CACNA2D1: variants seen among roughly 807,000 people sequenced by gnomAD.
The protein encoded by CACNA2D1 is calcium voltage-gated channel auxiliary subunit alpha2delta 1, also known as voltage-dependent calcium channel subunit alpha-2/delta-1.
CACNA2D1 carries 53 observed loss-of-function variants against 171.5 expected under a neutral mutation model. The observed-to-expected ratio is 0.31, with a 90% CI of 0.25 to 0.39. The LOEUF (loss-of-function observed/expected upper bound fraction) is 0.39. CACNA2D1 is among the 10% of genes least tolerant of loss of function. The probability of loss-of-function intolerance (pLI) is 1.00; values close to 1 mark genes in which losing one functional copy is unlikely to be tolerated. For synonymous variants in CACNA2D1, 442 were observed against 443.1 expected (o/e 1.00, Z 0.03); for missense variants, 903 against 1,299.8 (o/e 0.69, Z 4.69).
At chr7:82,174,450 C>T (rs1235155940) in intron 3 of CACNA2D1, among the ~76,000 whole-genome samples, 4 of 151,970 alleles carry the variant, frequency 2.6e-5, no homozygotes, top group Non-Finnish European at 5.9e-5. Context: ...AGAATGTATA[C>T]ATCCCTACCT....
chr7:82,270,221 A>G (rs1808438993), intron 3 of CACNA2D1, among the ~76,000 whole-genome samples: 1 of 152,060 alleles, frequency 6.6e-6, no homozygotes, highest in Non-Finnish European at 1.5e-5. Context: ...AAACATCTTC[A>G]TGCTCTTGAG....
intron 4 of CACNA2D1, among the ~76,000 whole-genome samples, chr7:82,167,407 A>G (rs924371168): frequency 6.6e-6 from 1 of 152,072 alleles, no homozygotes; most frequent in African/African-American, 2.4e-5. Context: ...ACCTTGCTGT[A>G]TCTGTGCACT....
intron 6 of CACNA2D1, among the ~76,000 whole-genome samples, chr7:82,113,219 T>C (rs1234592476): frequency 1.3e-5 from 2 of 152,210 alleles, no homozygotes; most frequent in African/African-American, 4.8e-5. Flanking sequence ...GAACTATCAA[T>C]ACAAATTTCC....
At chr7:82,155,611 C>G (rs189970353) in intron 4 of CACNA2D1, among the ~76,000 whole-genome samples, 9 of 152,142 alleles carry the variant, frequency 5.9e-5, no homozygotes, top group Admixed American at 5.9e-4. Flanking sequence ...CTGGAGCTTC[C>G]CAGGTGGTAT....
chr7:81,951,890 T>C (rs367988364), intron 38 of CACNA2D1, among the ~76,000 whole-genome samples: 1 of 151,654 alleles, frequency 6.6e-6, no homozygotes, highest in East Asian at 1.9e-4. Context: ...TAGTTCTACT[T>C]TTCATTCTTT....
chr7:82,339,092 C>T (rs192915386), intron 2 of CACNA2D1, among the ~76,000 whole-genome samples: 13 of 152,030 alleles, frequency 8.6e-5, no homozygotes, highest in East Asian at 5.8e-4. Context: ...TTTCTCCCTG[C>T]GCCCAGGCAT....
At chr7:81,955,940 A>C (rs1793234930) in intron 38 of CACNA2D1, among the ~76,000 whole-genome samples, 2 of 138,618 alleles carry the variant, frequency 1.4e-5, no homozygotes, top group South Asian at 4.7e-4. Context: ...TAGGTTAAAA[A>C]GATTTTAAAG....
At chr7:82,158,454 C>G in intron 4 of CACNA2D1, among the ~76,000 whole-genome samples, 1 of 137,130 alleles carries the variant, frequency 7.3e-6, no homozygotes, top group East Asian at 2.2e-4. Flanking sequence ...ACAAAGCAAA[C>G]AGGGGAAATG....
intron 12 of CACNA2D1, among the ~76,000 whole-genome samples, chr7:82,021,597 A>G (rs1269238853): frequency 6.6e-6 from 1 of 152,108 alleles, no homozygotes; most frequent in Non-Finnish European, 1.5e-5. Flanking sequence ...TGCATCAAGT[A>G]CTGTGCCATC....
chr7:82,351,694 A>G (rs916841579), intron 1 of CACNA2D1, among the ~76,000 whole-genome samples: 2 of 152,184 alleles, frequency 1.3e-5, no homozygotes, highest in African/African-American at 4.8e-5. Context: ...GCTGGTGCCT[A>G]TATTTGAAAA....
chr7:81,977,913 A>G (rs903110549), intron 24 of CACNA2D1, among the ~76,000 whole-genome samples: 21 of 152,220 alleles, frequency 1.4e-4, no homozygotes, highest in Admixed American at 1.4e-3. Flanking sequence ...AACTCTATCA[A>G]AAAGTGGGCA....
intron 1 of CACNA2D1, among the ~76,000 whole-genome samples, chr7:82,361,823 A>C (rs1446456327): frequency 6.6e-6 from 1 of 152,194 alleles, no homozygotes; most frequent in East Asian, 1.9e-4. Context: ...AAAAGAGAAA[A>C]ATCACAGTTT....
intron 5 of CACNA2D1, among the ~76,000 whole-genome samples, chr7:82,119,843 G>C (rs1789505782): frequency 6.6e-6 from 1 of 152,106 alleles, no homozygotes; most frequent in Non-Finnish European, 1.5e-5. Flanking sequence ...ACTCTCTATG[G>C]AAGTATCACA....
At chr7:82,198,044 T>C (rs563515176) in intron 3 of CACNA2D1, among the ~76,000 whole-genome samples, 3 of 152,238 alleles carry the variant, frequency 2.0e-5, no homozygotes, top group South Asian at 2.1e-4. Flanking sequence ...AGTCCCTGAC[T>C]TGAATGAGCT....
intron 3 of CACNA2D1, among the ~76,000 whole-genome samples, chr7:82,333,863 AT>A (rs1817675362): frequency 6.6e-6 from 1 of 152,208 alleles, no homozygotes; most frequent in East Asian, 1.9e-4. Flanking sequence ...AAAGCTTAGA[AT>A]CATGGAGAAT....
intron 4 of CACNA2D1, among the ~76,000 whole-genome samples, chr7:82,146,983 CAAAAAAAAAAAAAAA>C (rs764990586): frequency 1.3e-3 from 32 of 25,502 alleles, no homozygotes; most frequent in Middle Eastern, 0.056. Flanking sequence ...ACTCCCATCT[CAAAAAAAAAAAAAAA>C]AAAAAAAAAA....
intron 3 of CACNA2D1, among the ~76,000 whole-genome samples, chr7:82,280,065 C>T (rs949524122): frequency 9.9e-5 from 15 of 151,916 alleles, no homozygotes; most frequent in African/African-American, 3.6e-4. Context: ...TTTTTAAAAA[C>T]CTGGTATTGA....
At chr7:82,429,231 A>AT (rs1405546815) in intron 1 of CACNA2D1, among the ~76,000 whole-genome samples, 3 of 152,308 alleles carry the variant, frequency 2.0e-5, no homozygotes, top group Admixed American at 6.5e-5. Flanking sequence ...TTCATATCTT[A>AT]TAACTTTCAC....
At chr7:82,053,241 G>C (rs1805414786) in intron 10 of CACNA2D1, among the ~76,000 whole-genome samples, 1 of 104,844 alleles carries the variant, frequency 9.5e-6, no homozygotes, top group African/African-American at 3.7e-5. Context: ...GACAGAGCGA[G>C]ACTCCGTCTC....
Sources: allele counts gnomAD v4.1 joint callset (sites outside exome capture counted in the v4.1 genomes callset), GRCh38; gene constraint gnomAD v4.1.1; transcripts MANE v1.5; gene names NCBI Gene and HGNC (gene_info 2026-07-23, HGNC 2026-07-21).